Variants in RAMP1 observed in about 807,000 individuals in gnomAD.
RAMP1 encodes the protein receptor activity modifying protein 1.
In RAMP1, 7 loss-of-function variants were observed where a neutral mutation model predicts 8.2. The observed-to-expected ratio is 0.85, with a 90% CI of 0.49 to 1.60. RAMP1 has a LOEUF of 1.60. Ranked by LOEUF, RAMP1 falls within the 40% of genes most tolerant of loss-of-function variation. The pLI is 0.00. For missense variants in RAMP1, 192 were observed against 202.4 expected (o/e 0.95, Z 0.31); for synonymous variants, 92 against 84.7 (o/e 1.09, Z -0.47).
At chr2:237,907,702 A>C (rs1445157082) in intron 2 of RAMP1, among the ~76,000 whole-genome samples, 3 of 152,142 alleles carry the variant, frequency 2.0e-5, no homozygotes, top group Non-Finnish European at 4.4e-5. Flanking sequence ...CTGTTCATGC[A>C]TATTGTCTGC....
rs978944015 is a variant in RAMP1, at chr2:237,865,066, A to G, written c.52+5339A>G. Among the ~76,000 whole-genome samples, 1 of 152,042 alleles carries G rather than the reference A, an allele frequency of 6.6e-6. No individual in the cohort carries two copies. Among genetic ancestry groups the G allele is most frequent in the Non-Finnish European group, 1.5e-5 (1 of 67,998 alleles). The stretch of plus-strand genomic sequence containing the variant: ...CAGGACAGAAGGTGTGGTTTAAAGG[A>G]GCCCTCAGCTGTGGCCCCCAGCATG... On this transcript the variant is annotated intron_variant, in intron 1 of 2. Transcript: ENST00000254661. The surrounding 1 kb of genome is among the most constrained non-coding windows in gnomAD (Gnocchi z 4.2).
Position 237,877,349 on chromosome 2 carries a change from G to C in RAMP1, c.178G>C (p.Gly60Arg). 1 of 1,613,102 alleles carries C rather than the reference G, an allele frequency of 6.2e-7. No individual in the cohort carries two copies. The highest frequency in any genetic ancestry group is 8.5e-7 in the Non-Finnish European group (1 of 1,179,544). ...AVGETLWCDW[G>R]RTIRSYRELA... ...CGGGGAGACGCTGTGGTGTGACTGG[G>C]GCAGGACCATCAGGTGAGTCCCATG... The change falls in exon 2 of 3, where the codon GGC (glycine) becomes CGC (arginine). Residue 60 changes from glycine (G) to arginine (R), a missense_variant. Coordinates refer to ENST00000254661, the MANE Select transcript of RAMP1 (RefSeq NM_005855.4). This position sits in a 1 kb window ranked among gnomAD's most constrained non-coding sequence, Gnocchi z 4.4.
At chr2:237,873,492 A>T (rs958262881) in intron 1 of RAMP1, among the ~76,000 whole-genome samples, 3 of 152,140 alleles carry the variant, frequency 2.0e-5, no homozygotes, top group Admixed American at 1.3e-4. Context: ...CCTGCTATGC[A>T]TGCTCATTTC....
At chr2:237,886,873 C>T (rs1282559705) in intron 2 of RAMP1, among the ~76,000 whole-genome samples, 1 of 152,204 alleles carries the variant, frequency 6.6e-6, no homozygotes, top group Non-Finnish European at 1.5e-5. Context: ...AAAGGGTGGG[C>T]AGGTGGAACA....
At chr2:237,904,489 T>C (rs948317029) in intron 2 of RAMP1, among the ~76,000 whole-genome samples, 5 of 152,118 alleles carry the variant, frequency 3.3e-5, no homozygotes, top group Admixed American at 2.6e-4. Context: ...ACGCCTGTAA[T>C]CCCAGCTATT....
At chr2:237,887,921 A>T (rs779262733) in intron 2 of RAMP1, among the ~76,000 whole-genome samples, 3 of 152,230 alleles carry the variant, frequency 2.0e-5, no homozygotes, top group Non-Finnish European at 4.4e-5. Context: ...TCTGAAATAA[A>T]TGACAACACT....
rs2151000862 is a variant in RAMP1 at position 237,862,206 on chromosome 2, C to A, written c.52+2479C>A. ...AGTAGAATTGGAATGACAGGGACAT[C>A]ACAGGAAATGCTATGTGACTGCTTC... is the stretch of plus-strand genomic sequence containing the variant. On this transcript the variant is annotated intron_variant, in intron 1 of 2. Coordinates refer to ENST00000254661, the MANE Select transcript of RAMP1 (RefSeq NM_005855.4). The surrounding 1 kb of genome is among the most constrained non-coding windows in gnomAD (Gnocchi z 4.0). Among the ~76,000 whole-genome samples the A allele has an allele frequency of 6.6e-6, 1 of 152,270 alleles. No individual in the cohort carries two copies. Among genetic ancestry groups the A allele is most frequent in the Non-Finnish European group, 1.5e-5 (1 of 68,016 alleles).
rs890319374 is a variant in RAMP1, at chr2:237,865,683, G to A, written c.52+5956G>A. 6.6e-6 allele frequency among the ~76,000 whole-genome samples: 1 copy of A among 152,174 alleles called. No homozygotes were observed. The highest frequency in any genetic ancestry group is 2.4e-5 in the African/African-American group (1 of 41,438). Reference sequence around the variant, plus strand: ...AGGTATGGCCAAGAGAGGTGTTTCTGGCGGCAGCAGGGCCTGGCCTATGTC... The same window carrying A: ...AGGTATGGCCAAGAGAGGTGTTTCTAGCGGCAGCAGGGCCTGGCCTATGTC... On this transcript the variant is annotated intron_variant, in intron 1 of 2. Coordinates refer to ENST00000254661, the MANE Select transcript of RAMP1 (RefSeq NM_005855.4). The surrounding 1 kb of genome is among the most constrained non-coding windows in gnomAD (Gnocchi z 4.2).
chr2:237,908,322 C>T (rs1028413355), intron 2 of RAMP1, among the ~76,000 whole-genome samples: 5 of 152,034 alleles, frequency 3.3e-5, no homozygotes. Context: ...GCCCTTCACC[C>T]CAGCATTCCT....
At chr2:237,883,988 G>A (rs961544114) in intron 2 of RAMP1, among the ~76,000 whole-genome samples, 4 of 140,900 alleles carry the variant, frequency 2.8e-5, no homozygotes, top group Non-Finnish European at 4.5e-5. Context: ...TTGGCTGCCC[G>A]GCATGGATCT....
chr2:237,870,913 C>CACTT (rs777104275), intron 1 of RAMP1, among the ~76,000 whole-genome samples: 3 of 152,192 alleles, frequency 2.0e-5, no homozygotes, highest in Admixed American at 6.5e-5. Flanking sequence ...ACAAAGCAGG[C>CACTT]ACTTCGTGGG....
chr2:237,863,338 C>T (rs1266400701), intron 1 of RAMP1, among the ~76,000 whole-genome samples: 1 of 152,194 alleles, frequency 6.6e-6, no homozygotes, highest in Non-Finnish European at 1.5e-5. Flanking sequence ...AGTTCCCAGC[C>T]TGCCATACCC....
At position 237,911,685 on chromosome 2, in the gene RAMP1, A is replaced by T. The variant is rs748754148; in HGVS notation, c.349A>T (p.Ser117Cys). 1.5e-5 allele frequency: 25 copies of T among 1,613,850 alleles called. No individual in the cohort carries two copies. The highest frequency in any genetic ancestry group is 2.1e-5 in the Non-Finnish European group (25 of 1,179,994). The change falls in exon 3 of 3, where the codon AGC becomes TGC. Residue 117 changes from serine (S) to cysteine (C), a missense_variant. Transcript: ENST00000254661. ...CAGGGCCGTGCGGGACCCGCCCGGC[A>T]GCATCCTCTACCCCTTCATCGTGGT... ...SGRAVRDPPG[S>C]ILYPFIVVPI... is the part of the protein sequence containing the mutation.
intron 2 of RAMP1, among the ~76,000 whole-genome samples, chr2:237,895,210 T>C (rs2062527653): frequency 6.6e-6 from 1 of 152,074 alleles, no homozygotes; most frequent in Admixed American, 6.5e-5. Context: ...TGCCTGCCTG[T>C]GTGGGGCTCC....
At chr2:237,904,177 T>G (rs541053524) in intron 2 of RAMP1, among the ~76,000 whole-genome samples, 150 of 146,416 alleles carry the variant, frequency 1.0e-3, no homozygotes, top group African/African-American at 3.2e-3. Flanking sequence ...ACTTTGGGAG[T>G]CTGAGGCGGG....
intron 2 of RAMP1, among the ~76,000 whole-genome samples, chr2:237,884,154 T>C (rs1460830072): frequency 6.6e-6 from 1 of 151,992 alleles, no homozygotes; most frequent in East Asian, 1.9e-4. Context: ...TTCTAACACG[T>C]GTTGGGTGTC....
At chr2:237,911,461 C>A (rs537539640) in intron 2 of RAMP1, 67 bp from the exon 3 acceptor site, 3 of 1,580,822 alleles carry the variant, frequency 1.9e-6, no homozygotes, top group East Asian at 2.3e-5. Context: ...TGCAGCAGCC[C>A]GGGCTGGGGT....
chr2:237,868,398 G>T (rs1187413189), intron 1 of RAMP1, among the ~76,000 whole-genome samples: 1 of 152,008 alleles, frequency 6.6e-6, no homozygotes, highest in African/African-American at 2.4e-5. Flanking sequence ...CTCTGAAGTT[G>T]TTCATTTTAT....
chr2:237,866,439 A>T (rs541549374), intron 1 of RAMP1, among the ~76,000 whole-genome samples: 1 of 152,274 alleles, frequency 6.6e-6, no homozygotes, highest in African/African-American at 2.4e-5. Flanking sequence ...CCACCTCTTA[A>T]CAATTTTCCC....
Sources: gnomAD v4.1 joint callset for allele counts (sites outside exome capture counted in the v4.1 genomes callset) on GRCh38, gnomAD v4.1.1 for gene constraint, Gnocchi (gnomAD v3.1) non-coding constraint, MANE v1.5 for transcripts, NCBI Gene and HGNC (gene_info 2026-07-23, HGNC 2026-07-21) for gene names.